SPEF2: variants seen among roughly 807,000 people sequenced by gnomAD.
The protein encoded by SPEF2 is sperm flagellar and cilia associated 2.
In SPEF2, 187 loss-of-function variants were observed where a neutral mutation model predicts 224.6. That is an observed-to-expected ratio of 0.83 (90% confidence interval 0.74 to 0.94). The LOEUF (loss-of-function observed/expected upper bound fraction) is 0.94. Among genes scored for constraint, SPEF2 ranks in the 40% least tolerant of loss-of-function variants. The pLI is 0.00. For synonymous variants in SPEF2, 715 were observed against 707.3 expected, an observed-to-expected ratio of 1.01 and a Z score of -0.17; for missense variants, 2,170 against 2,135.6, an observed-to-expected ratio of 1.02 and a Z score of -0.32.
In SPEF2 at chr5:35,763,508, T is replaced by C. The variant is rs777041625; in HGVS notation, c.3621-14T>C. 6.5e-7 allele frequency: 1 copy of C among 1,535,708 alleles called. No individual in the cohort carries two copies. Among genetic ancestry groups the C allele is most frequent in the Admixed American group, 2.3e-5 (1 of 44,140 alleles). On this transcript the variant is annotated splice_polypyrimidine_tract_variant and intron_variant, in intron 25 of 36. Transcript: ENST00000356031. Reference sequence around the variant, plus strand: ...CAAAATTTTTTATCCTTTTTGCTTGTTTGTTTCTCAAAGAATTCCTCTAGT... The same window carrying C: ...CAAAATTTTTTATCCTTTTTGCTTGCTTGTTTCTCAAAGAATTCCTCTAGT...
chr5:35,618,813 G>A (rs746272095), intron 1 of SPEF2, among the ~76,000 whole-genome samples: 5 of 151,946 alleles, frequency 3.3e-5, no homozygotes, highest in Admixed American at 6.6e-5. Context: ...CATGCTGGCA[G>A]CTTCCTTGAC....
rs367923495 is a variant in SPEF2 at position 35,806,874 on chromosome 5, A to G, written c.5178A>G (p.Lys1726=). 244 of 1,614,022 alleles carry G rather than the reference A, an allele frequency of 1.5e-4. No individual in the cohort carries two copies. The highest frequency in any genetic ancestry group is 1.9e-4 in the Non-Finnish European group (224 of 1,180,012). The change falls in exon 35 of 37, where the codon AAA becomes AAG. Residue 1726 remains lysine (K), a synonymous_variant. Transcript: ENST00000356031. ...NEKMSMETLL[K]VFKGGSEAQD... ...AGATGTCCATGGAAACACTACTCAA[A>G]GTGTTCAAAGGGGGAAGTGAAGCAC... is the stretch of plus-strand genomic sequence containing the variant.
At chr5:35,649,537 C>A in intron 6 of SPEF2, 112 bp downstream of exon 6, 1 of 747,678 alleles carries the variant, frequency 1.3e-6, no homozygotes, top group Non-Finnish European at 2.1e-6. Flanking sequence ...CTTTTCACTC[C>A]AAAGAATCTT....
At position 35,654,714 on chromosome 5, in the gene SPEF2, C is replaced by A. The variant is rs139014576; in HGVS notation, c.966C>A (p.His322Gln). 1.9e-6 allele frequency: 3 copies of A among 1,604,864 alleles called. No individual in the cohort carries two copies. The highest frequency in any genetic ancestry group is 4.5e-5 in the East Asian group (2 of 44,804). The part of the protein sequence containing the change: ...RKLLMDQLIA[H>Q]EAQEEAYREE... Reference sequence around the variant, plus strand: ...TGTTAATGGACCAGTTAATAGCCCACGAAGCACAAGAGGTAAGATATTTAG... The same window carrying A: ...TGTTAATGGACCAGTTAATAGCCCAAGAAGCACAAGAGGTAAGATATTTAG... Residue 322 changes from histidine to glutamine, a missense_variant, in exon 7 of 37, where the codon CAC becomes CAA. Physicochemically the swap from His to Gln is conservative, Grantham distance 24. Coordinates refer to ENST00000356031, the MANE Select transcript of SPEF2 (RefSeq NM_024867.4).
intron 3 of SPEF2, 106 bp downstream of exon 3, chr5:35,641,789 C>G: frequency 3.3e-6 from 4 of 1,197,220 alleles, no homozygotes; most frequent in Non-Finnish European, 4.6e-6. Context: ...GCATATATAT[C>G]CTTTATGTAT....
At chr5:35,625,406 G>C (rs1277850351) in intron 1 of SPEF2, among the ~76,000 whole-genome samples, 3 of 152,204 alleles carry the variant, frequency 2.0e-5, no homozygotes, top group Non-Finnish European at 4.4e-5. Context: ...CCACACTGAA[G>C]ATGAAGGAAA....
At chr5:35,694,153 C>G (rs1434073764) in intron 12 of SPEF2, 135 bp from the exon 13 acceptor site, 2 of 675,646 alleles carry the variant, frequency 3.0e-6, no homozygotes, top group Non-Finnish European at 5.0e-6. Context: ...CTTTAATCTC[C>G]TTTAAAATCA....
At chr5:35,777,401 A>G (rs973703477) in intron 29 of SPEF2, among the ~76,000 whole-genome samples, 3 of 152,156 alleles carry the variant, frequency 2.0e-5, no homozygotes, top group African/African-American at 4.8e-5. Context: ...TCATTTTGCT[A>G]CTGGATAACC....
At chr5:35,705,583 T>A (rs1739586688) in intron 17 of SPEF2, 68 bp from the exon 18 acceptor site, 1 of 1,188,862 alleles carries the variant, frequency 8.4e-7, no homozygotes, top group Non-Finnish European at 1.2e-6. Context: ...TGTCGGATAA[T>A]TTATGCTTAA....
chr5:35,635,365 C>T (rs771865893), intron 2 of SPEF2, among the ~76,000 whole-genome samples: 41 of 152,062 alleles, frequency 2.7e-4, no homozygotes, highest in Non-Finnish European at 5.4e-4. Context: ...TAACCATTTT[C>T]CCATTTACCC....
At chr5:35,681,570 C>A (rs187308345) in intron 10 of SPEF2, among the ~76,000 whole-genome samples, 1 of 152,060 alleles carries the variant, frequency 6.6e-6, no homozygotes, top group Admixed American at 6.5e-5. Flanking sequence ...AGGTTGAAAC[C>A]AGATTGTGAA....
chr5:35,797,388 A>AG (rs1321126041), intron 33 of SPEF2, among the ~76,000 whole-genome samples: 1 of 151,568 alleles, frequency 6.6e-6, no homozygotes, highest in Admixed American at 6.6e-5. Flanking sequence ...AAAAGGTGAA[A>AG]GAAGTGGTGT....
chr5:35,619,672 G>A (rs1743224296), intron 1 of SPEF2, among the ~76,000 whole-genome samples: 1 of 151,030 alleles, frequency 6.6e-6, no homozygotes, highest in South Asian at 2.1e-4. Context: ...GAAAGACTCT[G>A]TCTCAAAAAA....
chr5:35,811,187 T>C (rs1282150937), intron 36 of SPEF2, among the ~76,000 whole-genome samples: 1 of 152,076 alleles, frequency 6.6e-6, no homozygotes, highest in African/African-American at 2.4e-5. Flanking sequence ...ACTCGTCCTG[T>C]CATTTTTTGC....
intron 21 of SPEF2, among the ~76,000 whole-genome samples, chr5:35,732,465 G>C (rs1287583535): frequency 6.6e-6 from 1 of 152,138 alleles, no homozygotes; most frequent in African/African-American, 2.4e-5. Flanking sequence ...GGTCAGGAAA[G>C]GGTGTTGAAA....
In SPEF2 at chr5:35,800,216, A is replaced by G. The variant is rs192035018; in HGVS notation, c.5010+69A>G. On this transcript the variant is annotated intron_variant, in intron 34 of 36. Transcript: ENST00000356031. ...GATGCCTGAAGATCCTAAACTGACA[A>G]CAAGGACTCTATTATTTTCATCTCC... is the stretch of plus-strand genomic sequence containing the variant. 1.1e-5 allele frequency: 17 copies of G among 1,509,314 alleles called. No homozygotes were observed. In the East Asian group the frequency reaches 2.5e-4, roughly 22 times the overall value. 93.5% of individuals were successfully genotyped at this position (1,509,314 alleles called of 1,614,324 possible).
At chr5:35,745,023 C>A (rs1748260556) in intron 23 of SPEF2, among the ~76,000 whole-genome samples, 1 of 152,142 alleles carries the variant, frequency 6.6e-6, no homozygotes, top group Non-Finnish European at 1.5e-5. Flanking sequence ...TGAACACACC[C>A]CCACTGGAGA....
intron 23 of SPEF2, among the ~76,000 whole-genome samples, chr5:35,749,497 C>T (rs562471826): frequency 2.0e-5 from 3 of 152,188 alleles, no homozygotes; most frequent in South Asian, 2.1e-4. Flanking sequence ...TTAAAAAATT[C>T]AGCAAAGTTT....
At position 35,705,611 on chromosome 5, in the gene SPEF2, G is replaced by T; in HGVS notation, c.2508-40G>T. ...ATGCTTAATGTCATTCTAATCTTTTGATCAGTATGAGATATTCATATCATA... is the reference window on the plus strand; with the variant it reads ...ATGCTTAATGTCATTCTAATCTTTTTATCAGTATGAGATATTCATATCATA... On this transcript the variant is annotated intron_variant, in intron 17 of 36. Transcript: ENST00000356031. 2.1e-6 allele frequency: 3 copies of T among 1,436,772 alleles called. No individual in the cohort carries two copies. The South Asian group carries it at 4.3e-5, about 21-fold the overall frequency. The allele number at this position is 1,436,772 out of a possible 1,614,324, so 89.0% of individuals were successfully genotyped here. A position where few individuals can be genotyped will look rare whatever the true frequency, so the allele number is the denominator to read the frequency against.
Sources: allele counts gnomAD v4.1 joint callset (sites outside exome capture counted in the v4.1 genomes callset), GRCh38; gene constraint gnomAD v4.1.1; transcripts MANE v1.5; gene names NCBI Gene and HGNC (gene_info 2026-07-23, HGNC 2026-07-21).